Variants in KTN1 observed in about 807,000 individuals in gnomAD.
KTN1 encodes the protein kinectin.
A neutral mutation model predicts 222.5 loss-of-function variants in KTN1; 130 were observed. The observed-to-expected ratio is 0.58, with a 90% CI of 0.51 to 0.68. KTN1 has a LOEUF of 0.68. Ranked by LOEUF, KTN1 falls within the 30% of genes least tolerant of loss-of-function variation. The pLI is 0.00. For missense variants in KTN1, 1,508 were observed against 1,500.4 expected, an observed-to-expected ratio of 1.01 and a Z score of -0.08; for synonymous variants, 512 against 496.3, an observed-to-expected ratio of 1.03 and a Z score of -0.42.
chr14:55,609,171 C>A (rs145066652), intron 1 of KTN1, among the ~76,000 whole-genome samples: 1 of 152,222 alleles, frequency 6.6e-6, no homozygotes, highest in African/African-American at 2.4e-5. Context: ...CCGCAACAGG[C>A]CCTGGTGTGT....
intron 43 of KTN1, chr14:55,680,965 A>C: frequency 2.9e-6 from 1 of 344,550 alleles, no homozygotes; most frequent in South Asian, 2.4e-5. Flanking sequence ...CTTCAGCCTT[A>C]TTCTTTCCAC....
chr14:55,614,548 C>G (rs1415234499), intron 2 of KTN1, among the ~76,000 whole-genome samples: 1 of 151,968 alleles, frequency 6.6e-6, no homozygotes, highest in East Asian at 1.9e-4. Flanking sequence ...TTTTTTATGC[C>G]CATGAACCAA....
At chr14:55,589,844 A>G (rs138052506) in intron 1 of KTN1, among the ~76,000 whole-genome samples, 8,034 of 151,692 alleles carry the variant, frequency 0.053, 445 homozygotes, top group Admixed American at 0.13. Flanking sequence ...TTTTTAGTAG[A>G]AACGGGGTTT....
chr14:55,656,353 C>G (rs2043470108), intron 29 of KTN1: 1 of 407,324 alleles, frequency 2.5e-6, no homozygotes. Flanking sequence ...ACTATACTAA[C>G]TTGTATATTT....
At chr14:55,627,763 C>T in intron 5 of KTN1, 149 bp from the exon 6 acceptor site, 2 of 471,812 alleles carry the variant, frequency 4.2e-6, no homozygotes, top group Non-Finnish European at 7.8e-6. Context: ...TGGTTTCCAG[C>T]TTCATCCACG....
chr14:55,635,545 G>A (rs2140952794), intron 9 of KTN1, among the ~76,000 whole-genome samples: 1 of 152,298 alleles, frequency 6.6e-6, no homozygotes, highest in African/African-American at 2.4e-5. Flanking sequence ...ACGCCAGAGT[G>A]TCACTTGGTC....
intron 29 of KTN1, among the ~76,000 whole-genome samples, chr14:55,657,549 A>G (rs1252199042): frequency 6.6e-6 from 1 of 151,978 alleles, no homozygotes; most frequent in African/African-American, 2.4e-5. Flanking sequence ...TGAAACTTTT[A>G]TGTACTCAAA....
At chr14:55,625,530 C>A (rs1288833171) in intron 5 of KTN1, among the ~76,000 whole-genome samples, 2 of 151,974 alleles carry the variant, frequency 1.3e-5, no homozygotes, top group Non-Finnish European at 2.9e-5. Context: ...TATTTAACAT[C>A]TTTTCTGTGA....
chr14:55,604,644 C>G (rs1337835742), intron 1 of KTN1, among the ~76,000 whole-genome samples: 1 of 152,148 alleles, frequency 6.6e-6, no homozygotes, highest in Admixed American at 6.5e-5. Flanking sequence ...TCTGTGAGTG[C>G]AGGGTTTGTG....
rs1444951937 is a variant in KTN1, at chr14:55,653,553, T to A, written c.2764-6T>A. 3.1e-6 allele frequency: 5 copies of A among 1,608,276 alleles called. No individual in the cohort carries two copies. The highest frequency in any genetic ancestry group is 4.3e-6 in the Non-Finnish European group (5 of 1,175,658). ...ACAGCATTAAAAATATGATTCTGTT[T>A]CTCAGGCCTCTTCTGCATCACAGTT... On this transcript the variant is annotated splice_polypyrimidine_tract_variant and splice_region_variant and intron_variant, in intron 27 of 43. Transcript: ENST00000395314.
At chr14:55,593,446 C>A (rs868218920) in intron 1 of KTN1, among the ~76,000 whole-genome samples, 9,021 of 120,532 alleles carry the variant, frequency 0.075, 485 homozygotes, top group South Asian at 0.11. Flanking sequence ...ACCCCCCCCC[C>A]AAAAAAAAAA....
intron 1 of KTN1, among the ~76,000 whole-genome samples, chr14:55,604,034 A>T (rs1176822418): frequency 6.6e-6 from 1 of 152,126 alleles, no homozygotes. Flanking sequence ...CCCTGATTTC[A>T]CTTTCTCCCT....
intron 5 of KTN1, among the ~76,000 whole-genome samples, chr14:55,622,440 A>G (rs75049893): frequency 0.061 from 9,218 of 152,276 alleles, 384 homozygotes; most frequent in South Asian, 0.09. Flanking sequence ...GCCAACATCT[A>G]TATTCTTATG....
chr14:55,637,628 C>T (rs892345285), intron 11 of KTN1, 151 bp from the exon 12 acceptor site: 2 of 609,106 alleles, frequency 3.3e-6, no homozygotes, highest in African/African-American at 1.9e-5. Flanking sequence ...ATTGTCTAAT[C>T]ATTGTTTAAA....
At chr14:55,654,424 C>T (rs190581859) in intron 28 of KTN1, among the ~76,000 whole-genome samples, 6 of 152,052 alleles carry the variant, frequency 3.9e-5, no homozygotes, top group East Asian at 1.9e-4. Context: ...GTGTAACTGT[C>T]GAGGTGCTTA....
intron 1 of KTN1, among the ~76,000 whole-genome samples, chr14:55,583,086 T>C (rs2032102163): frequency 6.6e-6 from 1 of 152,170 alleles, no homozygotes; most frequent in South Asian, 2.1e-4. Flanking sequence ...TAAGCCTTTT[T>C]CCCTCCTCTA....
intron 24 of KTN1, 95 bp from the exon 25 acceptor site, chr14:55,651,795 T>A: frequency 1.3e-6 from 1 of 769,138 alleles, no homozygotes; most frequent in Non-Finnish European, 2.1e-6. Flanking sequence ...CTAGTTTCTT[T>A]GTAATTTGAA....
At chr14:55,597,152 C>T (rs772683884) in intron 1 of KTN1, among the ~76,000 whole-genome samples, 1 of 152,028 alleles carries the variant, frequency 6.6e-6, no homozygotes, top group Non-Finnish European at 1.5e-5. Flanking sequence ...CAACATTGTG[C>T]GTTGGACTCT....
intron 40 of KTN1, 74 bp from the exon 41 acceptor site, chr14:55,675,761 C>T (rs1566855199): frequency 2.1e-6 from 2 of 941,724 alleles, no homozygotes; most frequent in East Asian, 2.5e-5. Context: ...ATTCATTCTT[C>T]AGTCCTAGAG....
Sources: gnomAD v4.1 joint callset for allele counts (sites outside exome capture counted in the v4.1 genomes callset) on GRCh38, gnomAD v4.1.1 for gene constraint, MANE v1.5 for transcripts, NCBI Gene and HGNC (gene_info 2026-07-23, HGNC 2026-07-21) for gene names.